The following SIRT3 variants were observed in gnomAD, a reference collection of about 807,000 sequenced individuals.
The protein encoded by SIRT3 is NAD-dependent protein deacetylase sirtuin-3, mitochondrial.
A neutral mutation model predicts 33.5 loss-of-function variants in SIRT3; 26 were observed. The ratio of observed to expected loss-of-function variants is 0.78; its 90% CI spans 0.57 to 1.08. The LOEUF is 1.08. Among genes scored for constraint, SIRT3 ranks in the 50% least tolerant of loss-of-function variants. The pLI is 0.00. For synonymous variants in SIRT3, 237 were observed against 222.1 expected, an observed-to-expected ratio of 1.07 and a Z score of -0.60; for missense variants, 585 against 530.1, an observed-to-expected ratio of 1.10 and a Z score of -1.02.
At chr11:230,257 A>G (rs1027539144) in intron 4 of SIRT3, among the ~76,000 whole-genome samples, 195 bp downstream of exon 4, 4 of 151,202 alleles carry the variant, frequency 2.6e-5, no homozygotes, top group Non-Finnish European at 5.9e-5. Flanking sequence ...CTGAAGGGAG[A>G]TTCATTTTCC....
At position 236,334 on chromosome 11, in the gene SIRT3, G is replaced by A. The variant is rs1340874718; in HGVS notation, c.-6C>T. 2 of 1,459,598 alleles carry A rather than the reference G, an allele frequency of 1.4e-6. No individual in the cohort carries two copies. Among genetic ancestry groups the A allele is most frequent in the Non-Finnish European group, 1.8e-6 (2 of 1,111,726 alleles). The allele number at this position is 1,459,598 out of a possible 1,614,324, so 90.4% of individuals were successfully genotyped here. On this transcript the variant is annotated 5_prime_UTR_variant, in exon 1 of 7. Transcript: ENST00000382743. ...CGCCAACCCCAGAACGCCATGTTCC[G>A]CGCAGTCCAAGGAGTCCTCCGGACT...
intron 4 of SIRT3, among the ~76,000 whole-genome samples, chr11:226,418 T>A (rs1857178081): frequency 6.6e-6 from 1 of 152,172 alleles, no homozygotes. Flanking sequence ...TTTTATATTT[T>A]ATTTTTTTGA....
Position 216,398 on chromosome 11 carries a change from G to A in SIRT3, c.*300C>T, listed in dbSNP as rs1230562310. On this transcript the variant is annotated 3_prime_UTR_variant, in exon 7 of 7. Transcript: ENST00000382743. ...AGTTGGTCTGATTCAGTTCAAGAGGGTCACAGTCAGAAGAAAGCTTTTTCC... is the reference window on the plus strand; with the variant it reads ...AGTTGGTCTGATTCAGTTCAAGAGGATCACAGTCAGAAGAAAGCTTTTTCC... 5.0e-6 allele frequency: 2 copies of A among 402,370 alleles called. No individual in the cohort carries two copies. Among genetic ancestry groups the A allele is most frequent in the African/African-American group, 2.0e-5 (1 of 49,252 alleles). 24.9% of individuals were successfully genotyped at this position (402,370 alleles called of 1,614,324 possible).
Position 234,371 on chromosome 11 carries a change from G to A in SIRT3, c.282-837C>T, listed in dbSNP as rs539659837. On this transcript the variant is annotated intron_variant, in intron 1 of 6. Transcript: ENST00000382743. ...GACTACTCCTCACACGCAGCCCTAT[G>A]CCTCCTGCTTTAGGGCCAGTGGTAG... Among the ~76,000 whole-genome samples, 3 of 151,916 alleles carry A rather than the reference G, an allele frequency of 2.0e-5. No homozygotes were observed. The South Asian group carries it at 6.2e-4, about 32-fold the overall frequency.
chr11:226,507 C>T (rs978056445), intron 4 of SIRT3, among the ~76,000 whole-genome samples: 8 of 152,016 alleles, frequency 5.3e-5, no homozygotes, highest in African/African-American at 1.9e-4. Flanking sequence ...CTCCTGGGTT[C>T]CAGCAATTCT....
chr11:231,909 G>C (rs2133926127), intron 3 of SIRT3, among the ~76,000 whole-genome samples: 1 of 151,412 alleles, frequency 6.6e-6, no homozygotes, highest in African/African-American at 2.4e-5. Flanking sequence ...GCACCTGTCT[G>C]CATCACTGCA....
chr11:236,361 G>A (rs1339741018), upstream of SIRT3: 6 of 1,228,448 alleles, frequency 4.9e-6, no homozygotes, highest in Non-Finnish European at 6.1e-6. Flanking sequence ...CTCCGGACTC[G>A]CCCCGCCCCC....
rs201765776 is a variant in SIRT3 at position 233,526 on chromosome 11, C to T, written c.290G>A (p.Gly97Asp). The stretch of plus-strand genomic sequence containing the variant: ...AGAAAAAGATATGGACCTTCTTCCA[C>T]CTTTAATACTGACAGAAAAAAACAC... ...APSFFFSSIKGGRRSISFSVG... is the reference protein window; with the variant it reads ...APSFFFSSIKDGRRSISFSVG... Residue 97 changes from glycine (G) to aspartate (D), a missense_variant, in exon 2 of 7, where the codon GGT (glycine) becomes GAT (aspartate). Gly to Asp is a moderately conservative substitution (Grantham distance 94, BLOSUM62 -1). Coordinates refer to ENST00000382743, the MANE Select transcript of SIRT3 (RefSeq NM_012239.6). 2 of 1,613,740 alleles carry T rather than the reference C, an allele frequency of 1.2e-6. No individual in the cohort carries two copies. The highest frequency in any genetic ancestry group is 1.7e-5 in the Admixed American group (1 of 59,918).
intron 3 of SIRT3, 90 bp downstream of exon 3, chr11:232,893 G>T: frequency 8.0e-7 from 1 of 1,256,734 alleles, no homozygotes; most frequent in Non-Finnish European, 1.1e-6. Context: ...CATCCCCTGT[G>T]AGAAACAGGC....
At chr11:219,110 C>T (rs577716108) in intron 5 of SIRT3, 69 bp from the exon 6 acceptor site, 50 of 1,512,148 alleles carry the variant, frequency 3.3e-5, no homozygotes, top group Admixed American at 1.4e-4. Context: ...TTTCATGCCA[C>T]AGCCACCGAG....
At position 233,079 on chromosome 11, in the gene SIRT3, A is replaced by G. The variant is rs145984757; in HGVS notation, c.610T>C (p.Tyr204His). 4 of 1,614,046 alleles carry G rather than the reference A, an allele frequency of 2.5e-6. No individual in the cohort carries two copies. The highest frequency in any genetic ancestry group is 3.4e-6 in the Non-Finnish European group (4 of 1,180,034). Residue 204 changes from tyrosine (Y) to histidine (H), a missense_variant, in exon 3 of 7, where the codon TAC (tyrosine) becomes CAC (histidine). Tyr to His is a moderately conservative substitution (Grantham distance 83, BLOSUM62 2). Transcript: ENST00000382743. ...AAGTAGTGAGTGACGTTGGGCTTGT[A>G]GTTTCCAGGGTACAGCTCCTTGGCC... ...TLAKELYPGN[Y>H]KPNVTHYFLR...
Position 236,134 on chromosome 11 carries a change from G to T in SIRT3, c.195C>A (p.Arg65=). 1 of 1,576,288 alleles carries T rather than the reference G, an allele frequency of 6.3e-7. No individual in the cohort carries two copies. The change falls in exon 1 of 7, where the codon CGC becomes CGA. Residue 65 remains arginine (R), a synonymous_variant. Coordinates refer to ENST00000382743, the MANE Select transcript of SIRT3 (RefSeq NM_012239.6). ...GARGEPLDPA[R]PLQRPPRPEV... ...CGGGTCTGGGAGGCCTCTGCAAGGG[G>T]CGCGCCGGGTCCAAGGGCTCACCGC...
At chr11:235,921 G>C (rs1030474094) in intron 1 of SIRT3, 127 bp downstream of exon 1, 2 of 1,026,854 alleles carry the variant, frequency 1.9e-6, no homozygotes, top group Admixed American at 7.0e-5. Flanking sequence ...CATAAAGACG[G>C]AGGCCCCGGT....
Position 234,572 on chromosome 11 carries a change from G to A in SIRT3, c.282-1038C>T, listed in dbSNP as rs867721864. On this transcript the variant is annotated intron_variant, in intron 1 of 6. Transcript: ENST00000382743. ...TGGGACTACAGGCACCCGCCACCACGCCTGGCTAATTTCCTTGTATTTTTA... is the reference window on the plus strand; with the variant it reads ...TGGGACTACAGGCACCCGCCACCACACCTGGCTAATTTCCTTGTATTTTTA... Among the ~76,000 whole-genome samples the A allele has an allele frequency of 1.2e-4, 18 of 152,136 alleles. No homozygotes were observed. The Middle Eastern group carries it at 0.014, about 115-fold the overall frequency.
intron 6 of SIRT3, 166 bp downstream of exon 6, chr11:218,666 T>G: frequency 7.8e-7 from 1 of 1,284,234 alleles, no homozygotes; most frequent in South Asian, 1.5e-5. Context: ...ATGGAGGTAT[T>G]GAAAGTAACA....
Position 233,378 on chromosome 11 carries a change from G to C in SIRT3, c.438C>G (p.Ala146=), listed in dbSNP as rs746802874. Residue 146 remains alanine (A), a synonymous_variant, in exon 2 of 7, where the codon GCC becomes GCG. Coordinates refer to ENST00000382743, the MANE Select transcript of SIRT3 (RefSeq NM_012239.6). ...GAATGCCACTGGGTGTGCTGATGCC[G>C]GCCCCCACCATGACCACCACCCTCT... ...ACQRVVVMVG[A]GISTPSGIPD... 6.2e-7 allele frequency: 1 copy of C among 1,610,984 alleles called. No individual in the cohort carries two copies. The highest frequency in any genetic ancestry group is 8.5e-7 in the Non-Finnish European group (1 of 1,177,090).
chr11:235,911 C>T, intron 1 of SIRT3, 137 bp downstream of exon 1: 1 of 907,322 alleles, frequency 1.1e-6, no homozygotes, highest in Middle Eastern at 2.7e-4. Flanking sequence ...CACAGATCAG[C>T]ATAAAGACGG....
intron 5 of SIRT3, among the ~76,000 whole-genome samples, chr11:220,222 C>T (rs1416104587): frequency 6.7e-6 from 1 of 148,946 alleles, no homozygotes; most frequent in African/African-American, 2.5e-5. Context: ...CCGAGCTACT[C>T]GGGAGGTTGA....
chr11:231,470 C>G (rs1165116274), intron 3 of SIRT3, among the ~76,000 whole-genome samples: 2 of 152,176 alleles, frequency 1.3e-5, no homozygotes, highest in Admixed American at 1.3e-4. Context: ...AACATATCTT[C>G]TATTCTACAG....
Sources: allele counts gnomAD v4.1 joint callset (sites outside exome capture counted in the v4.1 genomes callset), GRCh38; gene constraint gnomAD v4.1.1; transcripts MANE v1.5; gene names NCBI Gene and HGNC (gene_info 2026-07-23, HGNC 2026-07-21).